Variants in CALD1 observed in about 807,000 individuals in gnomAD.
The protein encoded by CALD1 is caldesmon 1, also known as caldesmon.
A neutral mutation model predicts 99.9 loss-of-function variants in CALD1; 33 were observed. The ratio of observed to expected loss-of-function variants is 0.33; its 90% CI spans 0.25 to 0.44. The LOEUF is 0.44. Among genes scored for constraint, CALD1 ranks in the 20% least tolerant of loss-of-function variants. The pLI, the probability that CALD1 is intolerant of heterozygous loss-of-function variation, is 1.00. For synonymous variants in CALD1, 310 were observed against 325.0 expected (o/e 0.95, Z 0.50); for missense variants, 861 against 962.1 (o/e 0.89, Z 1.39).
intron 1 of CALD1, among the ~76,000 whole-genome samples, chr7:134,795,754 C>T (rs1585958532): frequency 6.6e-6 from 1 of 152,034 alleles, no homozygotes; most frequent in African/African-American, 2.4e-5. Context: ...TGGCCTATAG[C>T]TCTCTTGCTT....
chr7:134,851,964 T>C (rs1474225254), intron 2 of CALD1, among the ~76,000 whole-genome samples: 1 of 152,214 alleles, frequency 6.6e-6, no homozygotes, highest in East Asian at 1.9e-4. Context: ...AGCTTTTCAA[T>C]GAGTTCAACT....
At chr7:134,899,314 C>T (rs1802810234) in intron 3 of CALD1, among the ~76,000 whole-genome samples, 1 of 152,044 alleles carries the variant, frequency 6.6e-6, no homozygotes, top group Non-Finnish European at 1.5e-5. Context: ...AGCGATTCTC[C>T]TGCCTCAGCC....
In CALD1 at chr7:134,933,205, A is replaced by G. The variant is rs1303981785; in HGVS notation, c.436A>G (p.Thr146Ala). The change falls in exon 5 of 15, where the codon ACT (threonine) becomes GCT (alanine). Residue 146 changes from threonine to alanine, a missense_variant. This residue lies in a region of CALD1 where 234 missense variants were observed against 233.1 expected (regional missense o/e 1.00). Coordinates refer to ENST00000361675, the MANE Select transcript of CALD1 (RefSeq NM_033138.4). ...GCAAAATGACACAGCAGAAAATGAA[A>G]CTACCGAGAAGGAAGAAAAAAGTGA... Reference protein sequence around the residue: ...RMQNDTAENETTEKEEKSESR... With the variant: ...RMQNDTAENEATEKEEKSESR... 2 of 1,611,882 alleles carry G rather than the reference A, an allele frequency of 1.2e-6. No homozygotes were observed. The highest frequency in any genetic ancestry group is 1.7e-6 in the Non-Finnish European group (2 of 1,179,456).
intron 1 of CALD1, among the ~76,000 whole-genome samples, chr7:134,790,138 G>A (rs1294465901): frequency 6.6e-6 from 1 of 151,444 alleles, no homozygotes; most frequent in Non-Finnish European, 1.5e-5. Flanking sequence ...GAAGGGAAAA[G>A]GGGGAAGAGG....
At chr7:134,884,141 C>A (rs1338375295) in intron 3 of CALD1, among the ~76,000 whole-genome samples, 2 of 151,196 alleles carry the variant, frequency 1.3e-5, no homozygotes, top group African/African-American at 4.9e-5. Context: ...GTAGAAGAAG[C>A]CTGCATGTCT....
At chr7:134,720,974 G>A in the CALD1 span, among the ~76,000 whole-genome samples, 2 of 152,206 alleles carry the variant, frequency 1.3e-5, no homozygotes, top group Non-Finnish European at 1.5e-5. Flanking sequence ...ATCAAACAAA[G>A]AGTTGAGAAC....
chr7:134,920,782 G>A (rs946796438), intron 3 of CALD1: 9 of 830,370 alleles, frequency 1.1e-5, no homozygotes, highest in Admixed American at 2.4e-5. Context: ...CAGATAGTGA[G>A]TTTATTTGAT....
intron 3 of CALD1, among the ~76,000 whole-genome samples, chr7:134,878,425 C>A (rs1041511595): frequency 6.6e-6 from 1 of 151,838 alleles, no homozygotes; most frequent in Non-Finnish European, 1.5e-5. Flanking sequence ...AAAAATTAGC[C>A]GGGCATAGTA....
chr7:134,826,745 T>C (rs1171191715), intron 1 of CALD1, among the ~76,000 whole-genome samples: 1 of 152,160 alleles, frequency 6.6e-6, no homozygotes, highest in African/African-American at 2.4e-5. Flanking sequence ...AATAAAATAA[T>C]TGGGGCCTCC....
chr7:134,835,802 A>G (rs752307512), intron 1 of CALD1, among the ~76,000 whole-genome samples: 9 of 152,168 alleles, frequency 5.9e-5, no homozygotes, highest in Non-Finnish European at 1.0e-4. Context: ...CAAACTGGAC[A>G]TTATTAAGTT....
the CALD1 span, among the ~76,000 whole-genome samples, chr7:134,712,013 G>C: frequency 7.9e-6 from 1 of 126,230 alleles, no homozygotes; most frequent in South Asian, 3.3e-4. Flanking sequence ...AAAGGAGGGA[G>C]GGAAGGAGGG....
chr7:134,926,666 C>T (rs1045116155), intron 3 of CALD1, among the ~76,000 whole-genome samples: 1 of 152,104 alleles, frequency 6.6e-6, no homozygotes, highest in African/African-American at 2.4e-5. Context: ...CTAAAAATGC[C>T]TAACTTACAA....
intron 3 of CALD1, among the ~76,000 whole-genome samples, chr7:134,906,353 T>C (rs1039029098): frequency 7.2e-5 from 11 of 152,232 alleles, no homozygotes; most frequent in Admixed American, 6.5e-4. Flanking sequence ...GGCCGGGTGA[T>C]GGCTAAAATG....
intron 7 of CALD1, among the ~76,000 whole-genome samples, chr7:134,943,767 C>CACGTGTGTATATTTATATGTAGTATAT (rs1806641712): frequency 3.3e-5 from 5 of 152,154 alleles, no homozygotes; most frequent in Admixed American, 2.0e-4. Flanking sequence ...TAAATGCACA[C>CACGTGTGTATATTTATATGTAGTATAT]ACGTGTGTAT....
At chr7:134,836,219 C>T (rs1435939236) in intron 1 of CALD1, among the ~76,000 whole-genome samples, 1 of 150,920 alleles carries the variant, frequency 6.6e-6, no homozygotes, top group Non-Finnish European at 1.5e-5. Context: ...GTTTCCTCAG[C>T]TTTGCCTCCT....
At chr7:134,713,686 AT>A in the CALD1 span, among the ~76,000 whole-genome samples, 1 of 152,106 alleles carries the variant, frequency 6.6e-6, no homozygotes, top group Non-Finnish European at 1.5e-5. Flanking sequence ...AAACTCATTG[AT>A]TTTAGTTCAG....
chr7:134,760,503 C>A (rs79150102), intron 1 of CALD1, among the ~76,000 whole-genome samples: 1 of 152,210 alleles, frequency 6.6e-6, no homozygotes, highest in African/African-American at 2.4e-5. Context: ...ATAACTTGCA[C>A]ACTGACTGAA....
At chr7:134,822,199 A>T (rs754839344) in intron 1 of CALD1, 3 of 152,158 alleles carry the variant, frequency 2.0e-5, no homozygotes, top group Non-Finnish European at 2.9e-5. Flanking sequence ...TTGCTAAGTT[A>T]AGGTTATATA....
intron 2 of CALD1, among the ~76,000 whole-genome samples, chr7:134,853,227 T>G (rs1800152294): frequency 6.6e-6 from 1 of 152,190 alleles, no homozygotes; most frequent in Non-Finnish European, 1.5e-5. Context: ...TAGTTCACCA[T>G]CCCTCAAATC....
Sources: allele counts gnomAD v4.1 joint callset (sites outside exome capture counted in the v4.1 genomes callset), GRCh38; gene constraint gnomAD v4.1.1; regional missense constraint gnomAD v4.1.1; transcripts MANE v1.5; gene names NCBI Gene and HGNC (gene_info 2026-07-23, HGNC 2026-07-21).